Variants in ERP27 observed in about 807,000 individuals in gnomAD.
ERP27 encodes endoplasmic reticulum protein 27.
In ERP27, 23 loss-of-function variants were observed where a neutral mutation model predicts 27.7. The observed-to-expected ratio is 0.83, with a 90% confidence interval of 0.60 to 1.18. ERP27 has a LOEUF of 1.18. Ranked by LOEUF, ERP27 falls within the 50% of genes most tolerant of loss-of-function variation. The pLI is 0.00. For missense variants in ERP27, 363 were observed against 327.9 expected, an observed-to-expected ratio of 1.11 and a Z score of -0.83; for synonymous variants, 159 against 118.3, an observed-to-expected ratio of 1.34 and a Z score of -2.23.
rs541064367 is a variant in ERP27 at position 14,937,795 on chromosome 12, A to G, written c.195+157T>C. The stretch of plus-strand genomic sequence containing the variant: ...AGAGACTGGGAATGTCTTGAAAATA[A>G]GAGGTCCCAATGGACAAGATGAAAT... On this transcript the variant is annotated intron_variant, in intron 2 of 6. Coordinates refer to ENST00000266397, the MANE Select transcript of ERP27 (RefSeq NM_152321.4). Among the ~76,000 whole-genome samples, 18 of 152,372 alleles carry G rather than the reference A, an allele frequency of 1.2e-4. No individual in the cohort carries two copies. In the South Asian group the frequency reaches 3.5e-3, roughly 30 times the overall value.
At chr12:14,936,967 G>A (rs1863782602) in intron 2 of ERP27, among the ~76,000 whole-genome samples, 2 of 152,152 alleles carry the variant, frequency 1.3e-5, no homozygotes, top group Admixed American at 1.3e-4. Flanking sequence ...TAGAGGCCAT[G>A]AACAATAATT....
rs10699558 is a variant in ERP27, at chr12:14,914,558, C to CTGTGTG, written c.*171_*176dup. ...AGATTTTAAGACAGGAAATGAAGCT[C>CTGTGTG]TGTGTGTGTGTGTGTGTGTGCGTGT... On this transcript the variant is annotated 3_prime_UTR_variant, in exon 7 of 7. Transcript: ENST00000266397. The CTGTGTG allele has an allele frequency of 7.4e-5, 26 of 353,386 alleles. No individual in the cohort carries two copies. The highest frequency in any genetic ancestry group is 4.3e-4 in the South Asian group (6 of 13,980). The allele number at this position is 353,386 out of a possible 1,614,324, so 21.9% of individuals were successfully genotyped here.
At chr12:14,937,931 A>C (rs754738548) in intron 2 of ERP27, 21 bp downstream of exon 2, 7 of 1,602,954 alleles carry the variant, frequency 4.4e-6, no homozygotes. Context: ...CTCTTGGGGG[A>C]ATTGCAAGTA....
chr12:14,934,740 G>C lies in ERP27; in HGVS notation c.333+116C>G. 2.3e-6 allele frequency: 3 copies of C among 1,284,586 alleles called. No homozygotes were observed. In the East Asian group the frequency reaches 7.2e-5, roughly 31 times the overall value. 79.6% of individuals were successfully genotyped at this position (1,284,586 alleles called of 1,614,324 possible). On this transcript the variant is annotated intron_variant, in intron 3 of 6. Transcript: ENST00000266397. ...CATCATCCTTGTCAACAATGTCCCTGAATTTGGTACCATCATTAGTGTAAA... is the reference window on the plus strand; with the variant it reads ...CATCATCCTTGTCAACAATGTCCCTCAATTTGGTACCATCATTAGTGTAAA...
intron 3 of ERP27, among the ~76,000 whole-genome samples, chr12:14,923,356 T>A (rs919452632): frequency 6.6e-6 from 1 of 151,748 alleles, no homozygotes; most frequent in Admixed American, 6.6e-5. Context: ...GTATGAGCCA[T>A]TATCTTATTA....
Position 14,921,126 on chromosome 12 carries a change from T to G in ERP27, c.334-78A>C, listed in dbSNP as rs1026681719. 1.3e-5 allele frequency: 15 copies of G among 1,155,016 alleles called. No individual in the cohort carries two copies. The African/African-American group carries it at 1.7e-4, about 13-fold the overall frequency. The allele number at this position is 1,155,016 out of a possible 1,614,324, so 71.5% of individuals were successfully genotyped here. On this transcript the variant is annotated intron_variant, in intron 3 of 6. Coordinates refer to ENST00000266397, the MANE Select transcript of ERP27 (RefSeq NM_152321.4). ...TGATAAACGTCTTTAGACCCCCATG[T>G]GACAGGCACTGATTAAAGCTCTGAA... is the stretch of plus-strand genomic sequence containing the variant.
chr12:14,936,279 T>C (rs1029255403), intron 2 of ERP27, among the ~76,000 whole-genome samples: 1 of 152,210 alleles, frequency 6.6e-6, no homozygotes, highest in South Asian at 2.1e-4. Flanking sequence ...GGACAGTCCC[T>C]CTCTTGCCAC....
At position 14,921,007 on chromosome 12, in the gene ERP27, T is replaced by C; in HGVS notation, c.375A>G (p.Glu125=). The C allele has an allele frequency of 6.2e-7, 1 of 1,614,144 alleles. No homozygotes were observed. The highest frequency in any genetic ancestry group is 8.5e-7 in the Non-Finnish European group (1 of 1,179,986). ...GGCTCAATTTGGTGGCATCAATGCT[T>C]TCAATGTCTTCGTCCTCTAAATTCA... ...EQLNLEDEDI[E]SIDATKLSRF... The change falls in exon 4 of 7, where the codon GAA becomes GAG. Residue 125 remains glutamate, a synonymous_variant. Coordinates refer to ENST00000266397, the MANE Select transcript of ERP27 (RefSeq NM_152321.4).
chr12:14,925,933 G>A (rs2120587063), intron 3 of ERP27, among the ~76,000 whole-genome samples: 1 of 152,170 alleles, frequency 6.6e-6, no homozygotes, highest in South Asian at 2.1e-4. Context: ...GCCGGGCATG[G>A]TGGCATGCAC....
chr12:14,931,528 T>A (rs1403155106), intron 3 of ERP27, among the ~76,000 whole-genome samples: 2 of 152,202 alleles, frequency 1.3e-5, no homozygotes, highest in Non-Finnish European at 2.9e-5. Context: ...GCAGGAACCA[T>A]TTTGTTTGTT....
chr12:14,918,859 C>G (rs1329726454), intron 4 of ERP27, among the ~76,000 whole-genome samples: 1 of 152,142 alleles, frequency 6.6e-6, no homozygotes, highest in African/African-American at 2.4e-5. Flanking sequence ...ACATGATTTA[C>G]TCTTGTTTTA....
At chr12:14,918,332 G>A (rs1282250656) in intron 4 of ERP27, among the ~76,000 whole-genome samples, 2 of 152,150 alleles carry the variant, frequency 1.3e-5, no homozygotes, top group Non-Finnish European at 2.9e-5. Context: ...TTGAACCAAT[G>A]TACCAAAGGT....
At chr12:14,936,911 C>T (rs1041378149) in intron 2 of ERP27, among the ~76,000 whole-genome samples, 8 of 152,090 alleles carry the variant, frequency 5.3e-5, no homozygotes, top group African/African-American at 1.4e-4. Flanking sequence ...CTAACATACC[C>T]GTCTTGCATC....
intron 5 of ERP27, chr12:14,915,956 G>C: frequency 3.2e-6 from 1 of 312,538 alleles, no homozygotes; most frequent in Admixed American, 4.8e-5. Flanking sequence ...CTTCTAAGTG[G>C]GAGCTAAATG....
chr12:14,937,148 A>T (rs2120633194), intron 2 of ERP27, among the ~76,000 whole-genome samples: 1 of 152,298 alleles, frequency 6.6e-6, no homozygotes, highest in South Asian at 2.1e-4. Context: ...CTCATTCCTG[A>T]AAAATGTTGT....
intron 5 of ERP27, among the ~76,000 whole-genome samples, chr12:14,916,730 T>G (rs1382713538): frequency 1.3e-5 from 2 of 152,118 alleles, no homozygotes; most frequent in African/African-American, 2.4e-5. Flanking sequence ...TTCAGTAATA[T>G]CAAGCAGAAC....
intron 2 of ERP27, among the ~76,000 whole-genome samples, chr12:14,936,403 C>T (rs530910862): frequency 2.6e-5 from 4 of 152,168 alleles, no homozygotes; most frequent in Non-Finnish European, 5.9e-5. Flanking sequence ...TCCAGGCCTT[C>T]CATAGACGCT....
At chr12:14,936,890 A>G (rs34356871) in intron 2 of ERP27, among the ~76,000 whole-genome samples, 50,750 of 151,920 alleles carry the variant, frequency 0.33, 8,816 homozygotes, top group Middle Eastern at 0.42. Context: ...TATTGGCAGC[A>G]TGAGAAGAAA....
At chr12:14,928,553 G>A (rs948025213) in intron 3 of ERP27, among the ~76,000 whole-genome samples, 2 of 152,160 alleles carry the variant, frequency 1.3e-5, no homozygotes, top group African/African-American at 4.8e-5. Flanking sequence ...GCATAAAATT[G>A]CAGCCATTCA....
Sources: allele counts gnomAD v4.1 joint callset (sites outside exome capture counted in the v4.1 genomes callset), GRCh38; gene constraint gnomAD v4.1.1; transcripts MANE v1.5; gene names NCBI Gene and HGNC (gene_info 2026-07-23, HGNC 2026-07-21).